The following PSPC1 variants were observed in gnomAD, a reference collection of about 807,000 sequenced individuals.
PSPC1 encodes paraspeckle component 1.
PSPC1 carries 14 observed loss-of-function variants against 51.6 expected under a neutral mutation model. The observed-to-expected ratio is 0.27, with a 90% confidence interval of 0.18 to 0.42. PSPC1 has a LOEUF of 0.42. PSPC1 is among the 10% of genes least tolerant of loss of function. PSPC1 has a pLI of 1.00. For missense variants in PSPC1, 406 were observed against 701.1 expected, an observed-to-expected ratio of 0.58 and a Z score of 4.75; for synonymous variants, 193 against 231.9, an observed-to-expected ratio of 0.83 and a Z score of 1.53.
At chr13:19,763,268 G>A (rs1566041994) in intron 2 of PSPC1, among the ~76,000 whole-genome samples, 1 of 152,074 alleles carries the variant, frequency 6.6e-6, no homozygotes, top group Non-Finnish European at 1.5e-5. Flanking sequence ...ATATCCTCTC[G>A]CTTCAGCCTC....
chr13:19,725,393 A>G (rs949347307), intron 6 of PSPC1, among the ~76,000 whole-genome samples: 2 of 152,170 alleles, frequency 1.3e-5, no homozygotes, highest in Non-Finnish European at 2.9e-5. Context: ...ATATAAATGA[A>G]TAGATTTGCA....
At chr13:19,734,286 C>T (rs1372887691) in intron 5 of PSPC1, among the ~76,000 whole-genome samples, 1 of 152,144 alleles carries the variant, frequency 6.6e-6, no homozygotes, top group Non-Finnish European at 1.5e-5. Context: ...TTTAAACCTT[C>T]ACGTTACATT....
chr13:19,725,294 G>A (rs1208480912), intron 6 of PSPC1, among the ~76,000 whole-genome samples: 2 of 152,110 alleles, frequency 1.3e-5, no homozygotes, highest in African/African-American at 4.8e-5. Flanking sequence ...TGAACCTTCT[G>A]GATACTAATT....
downstream of PSPC1, chr13:19,673,098 GT>G (rs10531847): frequency 0.05 from 18,555 of 373,440 alleles, 422 homozygotes; most frequent in African/African-American, 0.14. Context: ...GTTTTTTTTT[GT>G]TTTTTTTTTT....
intron 6 of PSPC1, among the ~76,000 whole-genome samples, chr13:19,695,289 G>T (rs929263032): frequency 3.9e-5 from 6 of 152,100 alleles, no homozygotes. Context: ...TGACTTTAAG[G>T]CCTGTAGCAC....
chr13:19,758,462 G>A (rs1273963431), intron 3 of PSPC1, among the ~76,000 whole-genome samples: 1 of 152,054 alleles, frequency 6.6e-6, no homozygotes, highest in Non-Finnish European at 1.5e-5. Context: ...ATTTAACTAG[G>A]AATACCCTGC....
chr13:19,678,644 T>G (rs982683095), intron 6 of PSPC1: 1 of 152,170 alleles, frequency 6.6e-6, no homozygotes, highest in African/African-American at 2.4e-5. Flanking sequence ...ATGTGAAATA[T>G]GTATGCAGAA....
intron 2 of PSPC1, among the ~76,000 whole-genome samples, chr13:19,760,358 T>C (rs939686798): frequency 6.6e-6 from 1 of 151,942 alleles, no homozygotes; most frequent in Non-Finnish European, 1.5e-5. Context: ...TGAAACCCCG[T>C]TTCTACTAAA....
chr13:19,742,732 G>A (rs1311860305), intron 4 of PSPC1, among the ~76,000 whole-genome samples: 1 of 152,114 alleles, frequency 6.6e-6, no homozygotes, highest in African/African-American at 2.4e-5. Context: ...CAGCAGAACT[G>A]TCTCTAAAAT....
intron 6 of PSPC1, among the ~76,000 whole-genome samples, chr13:19,725,069 C>T (rs1050050494): frequency 1.3e-5 from 2 of 151,502 alleles, no homozygotes; most frequent in Admixed American, 6.6e-5. Context: ...CCCAGATACT[C>T]GGAAGGCTGA....
chr13:19,779,279 TG>T (rs532227764), intron 1 of PSPC1, among the ~76,000 whole-genome samples: 29 of 32,650 alleles, frequency 8.9e-4, no homozygotes, highest in African/African-American at 2.1e-3. Context: ...GGGAGGGAGG[TG>T]GGGGGGGTCA....
intron 1 of PSPC1, 104 bp from the exon 2 acceptor site, chr13:19,772,647 A>G: frequency 9.5e-7 from 1 of 1,047,664 alleles, no homozygotes; most frequent in South Asian, 1.6e-5. Context: ...CAAATGGCTG[A>G]CAGGGTCAAT....
intron 4 of PSPC1, among the ~76,000 whole-genome samples, chr13:19,747,865 G>A (rs1886153236): frequency 6.6e-6 from 1 of 152,188 alleles, no homozygotes; most frequent in African/African-American, 2.4e-5. Context: ...ACACAACTAA[G>A]ATTAATTACA....
intron 6 of PSPC1, among the ~76,000 whole-genome samples, chr13:19,722,163 T>C (rs1193801114): frequency 6.6e-6 from 1 of 151,950 alleles, no homozygotes; most frequent in Non-Finnish European, 1.5e-5. Flanking sequence ...CAGAAAAAAA[T>C]TAGAATACAA....
intron 4 of PSPC1, among the ~76,000 whole-genome samples, chr13:19,746,529 A>G (rs1203212123): frequency 6.6e-6 from 1 of 151,954 alleles, no homozygotes; most frequent in Admixed American, 6.6e-5. Flanking sequence ...GTTTGAGGCC[A>G]GCCTGGCCAA....
intron 1 of PSPC1, among the ~76,000 whole-genome samples, chr13:19,776,125 G>C (rs935746999): frequency 4.6e-5 from 7 of 152,088 alleles, no homozygotes; most frequent in African/African-American, 1.4e-4. Flanking sequence ...TGTATATTTT[G>C]ATAGGGGTTT....
intron 1 of PSPC1, among the ~76,000 whole-genome samples, chr13:19,780,414 T>C (rs1889824892): frequency 1.4e-5 from 1 of 72,470 alleles, no homozygotes; most frequent in Non-Finnish European, 3.3e-5. Context: ...ATGGTTGCCG[T>C]GTCTGTGTAG....
rs567184786 is a variant in PSPC1, at chr13:19,704,969, AT to A, written c.1386+692del. ...ATGACAGGTAATATTTTTATCAAAA[AT>A]ATTTACTGAAAACTGTGTGTTCATA... On this transcript the variant is annotated intron_variant, in intron 8 of 8. Transcript: ENST00000338910. 6.1e-4 allele frequency among the ~76,000 whole-genome samples: 93 copies of A among 152,356 alleles called. 1 individual carries two copies. In the South Asian group the frequency reaches 0.01, roughly 17 times the overall value.
At chr13:19,719,819 A>G (rs1483978944) in intron 6 of PSPC1, among the ~76,000 whole-genome samples, 1 of 148,910 alleles carries the variant, frequency 6.7e-6, no homozygotes, top group Non-Finnish European at 1.5e-5. Context: ...TAAGTATTTT[A>G]CATAAATTAA....
Sources: gnomAD v4.1 joint callset for allele counts (sites outside exome capture counted in the v4.1 genomes callset) on GRCh38, gnomAD v4.1.1 for gene constraint, MANE v1.5 for transcripts, NCBI Gene and HGNC (gene_info 2026-07-23, HGNC 2026-07-21) for gene names.